The following RBMS3 variants were observed in gnomAD, a reference collection of about 807,000 sequenced individuals.
RBMS3 encodes the protein RNA-binding motif, single-stranded-interacting protein 3.
RBMS3 carries 27 observed loss-of-function variants against 66.8 expected under a neutral mutation model. The observed-to-expected ratio is 0.40, with a 90% CI of 0.30 to 0.56. The LOEUF (loss-of-function observed/expected upper bound fraction) is 0.56. RBMS3 is among the 20% of genes least tolerant of loss of function. RBMS3 has a pLI of 0.40. For synonymous variants in RBMS3, 188 were observed against 183.0 expected, an observed-to-expected ratio of 1.03 and a Z score of -0.22; for missense variants, 513 against 549.5, an observed-to-expected ratio of 0.93 and a Z score of 0.66.
At chr3:29,846,150 T>G (rs2058770333) in intron 6 of RBMS3, among the ~76,000 whole-genome samples, 2 of 152,116 alleles carry the variant, frequency 1.3e-5, no homozygotes, top group South Asian at 4.1e-4. Context: ...GATTTTTGCT[T>G]TGAAAGATCA....
At chr3:29,817,526 G>A (rs960405432) in intron 6 of RBMS3, among the ~76,000 whole-genome samples, 1 of 151,980 alleles carries the variant, frequency 6.6e-6, no homozygotes, top group Admixed American at 6.6e-5. Context: ...TTTTCTAAAG[G>A]CACATTTTGA....
chr3:29,875,818 T>C (rs2059599044), intron 7 of RBMS3, among the ~76,000 whole-genome samples: 1 of 152,208 alleles, frequency 6.6e-6, no homozygotes, highest in Admixed American at 6.5e-5. Flanking sequence ...GCCATAGTCT[T>C]TCTCAGGCTT....
At chr3:29,542,143 G>T (rs1268968665) in intron 3 of RBMS3, among the ~76,000 whole-genome samples, 4 of 152,168 alleles carry the variant, frequency 2.6e-5, no homozygotes, top group African/African-American at 9.7e-5. Flanking sequence ...GAACATTCTG[G>T]AAAGTGGTGG....
intron 1 of RBMS3, among the ~76,000 whole-genome samples, chr3:29,296,706 C>A (rs1193774428): frequency 6.6e-6 from 1 of 151,754 alleles, no homozygotes; most frequent in African/African-American, 2.4e-5. Flanking sequence ...TCAACAGTTT[C>A]TTCTCCTAGA....
chr3:29,952,494 C>T (rs1188371722), intron 12 of RBMS3, among the ~76,000 whole-genome samples: 2 of 151,760 alleles, frequency 1.3e-5, no homozygotes, highest in African/African-American at 4.8e-5. Flanking sequence ...ACTGATATGA[C>T]ATATTTGAAA....
intron 4 of RBMS3, among the ~76,000 whole-genome samples, chr3:29,600,805 A>T (rs1436585767): frequency 6.6e-6 from 1 of 152,150 alleles, no homozygotes; most frequent in Non-Finnish European, 1.5e-5. Flanking sequence ...TAAAAGTCAT[A>T]CTAAAATTCT....
At position 29,679,534 on chromosome 3, in the gene RBMS3, C is replaced by T. The variant is rs73831630; in HGVS notation, c.400-60186C>T. ...GCTCATACCAGCCAAATGGATTTTC[C>T]TTTTTTTCAGTTCCCTGTTTGTACA... On this transcript the variant is annotated intron_variant, in intron 4 of 14. Transcript: ENST00000383767. Among the ~76,000 whole-genome samples, 882 of 152,060 alleles carry T rather than the reference C, an allele frequency of 5.8e-3. 9 individuals carry two copies. Among genetic ancestry groups the T allele is most frequent in the African/African-American group, 0.021 (860 of 41,466 alleles).
chr3:29,721,973 C>A (rs916796119), intron 4 of RBMS3, among the ~76,000 whole-genome samples: 6 of 152,052 alleles, frequency 3.9e-5, no homozygotes, highest in Admixed American at 3.9e-4. Flanking sequence ...TAAACACTGT[C>A]CAAGGTACTG....
intron 12 of RBMS3, among the ~76,000 whole-genome samples, chr3:29,967,375 A>T (rs894672584): frequency 3.9e-5 from 6 of 152,156 alleles, no homozygotes; most frequent in Admixed American, 1.3e-4. Flanking sequence ...GCCTCACTGC[A>T]ACCTCTGCCT....
At chr3:29,616,511 A>AC (rs1379945447) in intron 4 of RBMS3, 1 of 157,450 alleles carries the variant, frequency 6.4e-6, no homozygotes, top group Admixed American at 6.4e-5. Flanking sequence ...AAACAAACAA[A>AC]AATTACAAAT....
intron 6 of RBMS3, among the ~76,000 whole-genome samples, chr3:29,833,435 A>G (rs1018703551): frequency 3.9e-5 from 6 of 152,194 alleles, no homozygotes. Context: ...AAGCAACTAA[A>G]TGATATCAGA....
intron 4 of RBMS3, among the ~76,000 whole-genome samples, chr3:29,682,715 C>T (rs1468790198): frequency 6.6e-6 from 1 of 152,148 alleles, no homozygotes; most frequent in African/African-American, 2.4e-5. Flanking sequence ...CATTTCTATT[C>T]TGGTTCATTT....
chr3:29,356,588 C>A (rs2125569818), intron 1 of RBMS3, among the ~76,000 whole-genome samples: 1 of 152,236 alleles, frequency 6.6e-6, no homozygotes, highest in East Asian at 1.9e-4. Flanking sequence ...GCCAAATGTG[C>A]ATATGAAAAT....
intron 1 of RBMS3, among the ~76,000 whole-genome samples, chr3:29,402,563 G>A (rs2039856713): frequency 6.6e-6 from 1 of 152,002 alleles, no homozygotes; most frequent in Non-Finnish European, 1.5e-5. Context: ...ATGGCAATGA[G>A]TTAGCTGTAT....
chr3:29,837,680 A>G (rs1286182656), intron 6 of RBMS3, among the ~76,000 whole-genome samples: 1 of 94,330 alleles, frequency 1.1e-5, no homozygotes, highest in South Asian at 3.2e-4. Flanking sequence ...ATATATATAT[A>G]TATATATATA....
At chr3:29,476,357 C>T (rs977892639) in intron 2 of RBMS3, among the ~76,000 whole-genome samples, 11 of 152,212 alleles carry the variant, frequency 7.2e-5, no homozygotes, top group African/African-American at 2.4e-4. Flanking sequence ...TTCTCACCTA[C>T]CTCACCACCA....
intron 3 of RBMS3, among the ~76,000 whole-genome samples, chr3:29,498,977 T>G (rs1373485932): frequency 1.3e-5 from 2 of 152,208 alleles, no homozygotes; most frequent in Non-Finnish European, 2.9e-5. Flanking sequence ...TGGTGTTGGC[T>G]ATATGATAGC....
chr3:29,334,994 C>G (rs188277385), intron 1 of RBMS3, among the ~76,000 whole-genome samples: 2 of 152,266 alleles, frequency 1.3e-5, no homozygotes, highest in East Asian at 3.9e-4. Flanking sequence ...ATGACAAATA[C>G]TCTTTTTGTA....
intron 1 of RBMS3, among the ~76,000 whole-genome samples, chr3:29,388,223 ATCAC>A (rs1417341196): frequency 6.6e-6 from 1 of 152,222 alleles, no homozygotes; most frequent in Admixed American, 6.5e-5. Context: ...ATATTCTAAA[ATCAC>A]TCAGGATAGA....
Sources: allele counts gnomAD v4.1 joint callset (sites outside exome capture counted in the v4.1 genomes callset), GRCh38; gene constraint gnomAD v4.1.1; transcripts MANE v1.5; gene names NCBI Gene and HGNC (gene_info 2026-07-23, HGNC 2026-07-21).